The following KIAA0319L variants were observed in gnomAD, a reference collection of about 807,000 sequenced individuals.
KIAA0319L encodes dyslexia-associated protein KIAA0319-like protein.
In KIAA0319L, 55 loss-of-function variants were observed where a neutral mutation model predicts 120.1. The observed-to-expected ratio is 0.46, with a 90% CI of 0.37 to 0.57. The LOEUF (loss-of-function observed/expected upper bound fraction) is 0.57, where lower values mean the gene tolerates loss of function less well. Among genes scored for constraint, KIAA0319L ranks in the 20% least tolerant of loss-of-function variants. The pLI is 0.00. For synonymous variants in KIAA0319L, 398 were observed against 471.9 expected (o/e 0.84, Z 2.03); for missense variants, 1,049 against 1,255.3 (o/e 0.84, Z 2.48).
Position 35,474,811 on chromosome 1 carries a change from G to A in KIAA0319L, c.1009C>T (p.Pro337Ser). 1.9e-6 allele frequency: 3 copies of A among 1,582,174 alleles called. No individual in the cohort carries two copies. The highest frequency in any genetic ancestry group is 2.6e-6 in the Non-Finnish European group (3 of 1,151,902). Residue 337 changes from proline to serine, a missense_variant, in exon 5 of 21, where the codon CCT (proline) becomes TCT (serine). Physicochemically the swap from Pro to Ser is moderately conservative, Grantham distance 74. Coordinates refer to ENST00000325722, the MANE Select transcript of KIAA0319L (RefSeq NM_024874.5). Reference sequence around the variant, plus strand: ...AATGTAAGGGGATGTTTACCTTTAGGTGGTTCTTGGAGAACATATGCATTT... The same window carrying A: ...AATGTAAGGGGATGTTTACCTTTAGATGGTTCTTGGAGAACATATGCATTT... ...QLNAYVLQEP[P>S]KGETYTYDWQ...
Position 35,453,285 on chromosome 1 carries a change from C to A in KIAA0319L, c.1913+272G>T, listed in dbSNP as rs1227426398. 6.6e-6 allele frequency among the ~76,000 whole-genome samples: 1 copy of A among 152,194 alleles called. No homozygotes were observed. The highest frequency in any genetic ancestry group is 1.5e-5 in the Non-Finnish European group (1 of 68,036). The stretch of plus-strand genomic sequence containing the variant: ...GCCTCTCAAGTGTAATTAAACTCTG[C>A]ATTTCAGCAGATGGATTGTACCTGA... On this transcript the variant is annotated intron_variant, in intron 12 of 20. Coordinates refer to ENST00000325722, the MANE Select transcript of KIAA0319L (RefSeq NM_024874.5). This position sits in a 1 kb window ranked among gnomAD's most constrained non-coding sequence, Gnocchi z 4.1.
chr1:35,523,371 C>T (rs1259972444), intron 2 of KIAA0319L, among the ~76,000 whole-genome samples: 1 of 152,176 alleles, frequency 6.6e-6, no homozygotes, highest in Non-Finnish European at 1.5e-5. Flanking sequence ...GAGTTTGGAA[C>T]ATTACATTGT....
intron 20 of KIAA0319L, chr1:35,440,727 A>T: frequency 2.9e-6 from 1 of 342,888 alleles, no homozygotes; most frequent in Non-Finnish European, 5.5e-6. Context: ...GACAAGTCCA[A>T]GGTCCCTGAC....
chr1:35,449,847 T>G lies in KIAA0319L; in HGVS notation c.2353+20A>C. The G allele has an allele frequency of 1.2e-6, 2 of 1,613,502 alleles. No individual in the cohort carries two copies. The highest frequency in any genetic ancestry group is 1.7e-5 in the Admixed American group (1 of 60,012). ...GCTGATTCAGCAATTCTACTCAGCC[T>G]CATCACTAAATGAACTCACCAGGTT... On this transcript the variant is annotated intron_variant, in intron 15 of 20. Coordinates refer to ENST00000325722, the MANE Select transcript of KIAA0319L (RefSeq NM_024874.5).
intron 1 of KIAA0319L, among the ~76,000 whole-genome samples, chr1:35,555,813 G>A (rs1571068937): frequency 6.6e-6 from 1 of 152,240 alleles, no homozygotes; most frequent in South Asian, 2.1e-4. Flanking sequence ...TCAATAGCCT[G>A]ACAGGTGGGT....
At position 35,506,150 on chromosome 1, in the gene KIAA0319L, G is replaced by A. The variant is rs1318630967; in HGVS notation, c.666+462C>T. Among the ~76,000 whole-genome samples the A allele has an allele frequency of 6.6e-6, 1 of 152,166 alleles. No homozygotes were observed. The highest frequency in any genetic ancestry group is 1.5e-5 in the Non-Finnish European group (1 of 68,028). ...CCACATCCTGCTCCACAGCCCAGCA[G>A]GTCAGATCTTAATCTGTAGTACCAA... On this transcript the variant is annotated intron_variant, in intron 3 of 20. Transcript: ENST00000325722. The surrounding 1 kb of genome is among the most constrained non-coding windows in gnomAD (Gnocchi z 4.0).
intron 6 of KIAA0319L, among the ~76,000 whole-genome samples, chr1:35,467,141 G>C (rs1230841007): frequency 6.6e-6 from 1 of 151,492 alleles, no homozygotes; most frequent in African/African-American, 2.4e-5. Flanking sequence ...AATCTTATGA[G>C]TAGCTGACTC....
At chr1:35,527,347 CTTTTTT>C (rs765420290) in intron 2 of KIAA0319L, among the ~76,000 whole-genome samples, 1 of 151,982 alleles carries the variant, frequency 6.6e-6, no homozygotes. Flanking sequence ...CTGTAGTTTT[CTTTTTT>C]TGTTATGTCT....
rs2149063330 is a variant in KIAA0319L at position 35,434,735 on chromosome 1, G to A, written c.*159C>T. 1.6e-6 allele frequency: 1 copy of A among 607,296 alleles called. No homozygotes were observed. The highest frequency in any genetic ancestry group is 2.2e-5 in the South Asian group (1 of 46,344). 37.6% of individuals were successfully genotyped at this position (607,296 alleles called of 1,614,324 possible). A position where few individuals can be genotyped will look rare whatever the true frequency, so the allele number is the denominator to read the frequency against. Reference sequence around the variant, plus strand: ...TTCACAGCTTCGTTGAGGGGTTCCTGGAGGACGTCTCTGGATTCAAGTCCC... The same window carrying A: ...TTCACAGCTTCGTTGAGGGGTTCCTAGAGGACGTCTCTGGATTCAAGTCCC... On this transcript the variant is annotated 3_prime_UTR_variant, in exon 21 of 21. Coordinates refer to ENST00000325722, the MANE Select transcript of KIAA0319L (RefSeq NM_024874.5).
In KIAA0319L at chr1:35,434,132, T is replaced by C. The variant is rs1344943568; in HGVS notation, c.*762A>G. ...CGGAGTCTTGCTCTGTCACTCAGGC[T>C]GGAGTGCAGTGGCACGATCTTGGCT... is the stretch of plus-strand genomic sequence containing the variant. On this transcript the variant is annotated 3_prime_UTR_variant, in exon 21 of 21. Transcript: ENST00000325722. The C allele has an allele frequency of 6.7e-6, 1 of 149,476 alleles. No homozygotes were observed. Among genetic ancestry groups the C allele is most frequent in the African/African-American group, 2.5e-5 (1 of 40,220 alleles). The allele number at this position is 149,476 out of a possible 1,614,324, so 9.3% of individuals were successfully genotyped here. A position where few individuals can be genotyped will look rare whatever the true frequency, so the allele number is the denominator to read the frequency against.
intron 16 of KIAA0319L, among the ~76,000 whole-genome samples, chr1:35,447,750 T>C (rs1641740403): frequency 6.6e-6 from 1 of 152,058 alleles, no homozygotes; most frequent in African/African-American, 2.4e-5. Flanking sequence ...TTTTAAATCT[T>C]CTGTAGAGGT....
At chr1:35,523,698 A>G (rs1646014964) in intron 2 of KIAA0319L, among the ~76,000 whole-genome samples, 1 of 152,210 alleles carries the variant, frequency 6.6e-6, no homozygotes, top group Non-Finnish European at 1.5e-5. Context: ...GACAGTGAAG[A>G]GTGTTAAAGA....
chr1:35,525,093 T>C (rs1438568121), intron 2 of KIAA0319L, among the ~76,000 whole-genome samples: 2 of 152,218 alleles, frequency 1.3e-5, no homozygotes, highest in Non-Finnish European at 2.9e-5. Flanking sequence ...TTTGAGTAAG[T>C]ATATGCAATA....
Position 35,453,301 on chromosome 1 carries a change from T to C in KIAA0319L, c.1913+256A>G, listed in dbSNP as rs760901147. ...TAAACTCTGCATTTCAGCAGATGGA[T>C]TGTACCTGAAAAAGCACCAGGATCA... On this transcript the variant is annotated intron_variant, in intron 12 of 20. Transcript: ENST00000325722. The surrounding 1 kb of genome is among the most constrained non-coding windows in gnomAD (Gnocchi z 4.1). Among the ~76,000 whole-genome samples the C allele has an allele frequency of 3.3e-5, 5 of 152,292 alleles. No homozygotes were observed. In the South Asian group the frequency reaches 6.2e-4, roughly 19 times the overall value.
At chr1:35,507,215 A>C in intron 2 of KIAA0319L, 80 bp from the exon 3 acceptor site, 1 of 1,365,428 alleles carries the variant, frequency 7.3e-7, no homozygotes, top group Non-Finnish European at 9.8e-7. Flanking sequence ...GAGAACCAAC[A>C]TTTGAGGTTA....
chr1:35,554,033 A>T (rs1647563583), intron 2 of KIAA0319L, among the ~76,000 whole-genome samples: 2 of 152,264 alleles, frequency 1.3e-5, no homozygotes. Context: ...GGTAGATAAT[A>T]ACCCTTCCTC....
intron 4 of KIAA0319L, 139 bp downstream of exon 4, chr1:35,478,827 G>A (rs1644018866): frequency 2.0e-6 from 2 of 1,015,642 alleles, no homozygotes; most frequent in Non-Finnish European, 1.4e-6. Flanking sequence ...GTCCATGACT[G>A]CAGGGGCAAT....
chr1:35,468,974 A>C (rs1368666191), intron 6 of KIAA0319L, among the ~76,000 whole-genome samples: 1 of 152,230 alleles, frequency 6.6e-6, no homozygotes, highest in African/African-American at 2.4e-5. Context: ...AAAAGAAATA[A>C]GTGTACAAAA....
At chr1:35,526,555 C>T (rs972656150) in intron 2 of KIAA0319L, among the ~76,000 whole-genome samples, 1 of 151,316 alleles carries the variant, frequency 6.6e-6, no homozygotes, top group Non-Finnish European at 1.5e-5. Context: ...AAACAATCCT[C>T]CTGCCTCAGC....
Sources: gnomAD v4.1 joint callset for allele counts (sites outside exome capture counted in the v4.1 genomes callset) on GRCh38, gnomAD v4.1.1 for gene constraint, Gnocchi (gnomAD v3.1) non-coding constraint, MANE v1.5 for transcripts, NCBI Gene and HGNC (gene_info 2026-07-23, HGNC 2026-07-21) for gene names.